The following SOX5 variants were observed in gnomAD, a reference collection of about 807,000 sequenced individuals.
SOX5 encodes the protein SRY-box transcription factor 5.
In SOX5, 9 loss-of-function variants were observed where a neutral mutation model predicts 92.0. The ratio of observed to expected loss-of-function variants is 0.10; its 90% CI spans 0.06 to 0.17. The LOEUF is 0.17. Among genes scored for constraint, SOX5 ranks in the 10% least tolerant of loss-of-function variants. SOX5 has a pLI of 1.00. For missense variants in SOX5, 642 were observed against 944.5 expected (o/e 0.68, Z 4.20); for synonymous variants, 344 against 336.3 (o/e 1.02, Z -0.25).
At chr12:24,046,360 A>G (rs893905592) in intron 4 of SOX5, among the ~76,000 whole-genome samples, 1 of 152,108 alleles carries the variant, frequency 6.6e-6, no homozygotes, top group African/African-American at 2.4e-5. Context: ...CCCTTTCCAG[A>G]TGTTATAAAT....
At chr12:23,950,656 G>A (rs560690488), upstream of SOX5, among the ~76,000 whole-genome samples, 2 of 152,360 alleles carry the variant, frequency 1.3e-5, no homozygotes, top group South Asian at 2.1e-4. Flanking sequence ...CCCCCTGGCT[G>A]TGGATCTCTT....
chr12:24,211,598 A>G (rs965950127), intron 4 of SOX5, among the ~76,000 whole-genome samples: 3 of 152,190 alleles, frequency 2.0e-5, no homozygotes, highest in African/African-American at 7.2e-5. Flanking sequence ...GGCAAATATG[A>G]TGGTATTTTT....
At chr12:23,892,843 G>A (rs2097141898) in intron 2 of SOX5, among the ~76,000 whole-genome samples, 1 of 152,272 alleles carries the variant, frequency 6.6e-6, no homozygotes, top group African/African-American at 2.4e-5. Context: ...AAACCATAGT[G>A]CTACTCTGAT....
intron 9 of SOX5, among the ~76,000 whole-genome samples, chr12:23,576,156 T>C (rs1452437123): frequency 6.6e-6 from 1 of 152,058 alleles, no homozygotes; most frequent in Non-Finnish European, 1.5e-5. Context: ...TTGAGAGATA[T>C]TACACATTAA....
intron 1 of SOX5, among the ~76,000 whole-genome samples, chr12:23,897,353 T>G (rs1429641461): frequency 1.3e-5 from 2 of 152,114 alleles, no homozygotes; most frequent in African/African-American, 4.8e-5. Flanking sequence ...TTAAAAATAT[T>G]AGGACAGTAG....
At chr12:23,732,141 A>G (rs946415713) in intron 6 of SOX5, among the ~76,000 whole-genome samples, 4 of 152,128 alleles carry the variant, frequency 2.6e-5, no homozygotes, top group Non-Finnish European at 5.9e-5. Flanking sequence ...CAGATTGTAT[A>G]TTTACTAGTC....
intron 4 of SOX5, among the ~76,000 whole-genome samples, chr12:24,180,532 C>A (rs1323491385): frequency 1.3e-5 from 2 of 152,080 alleles, no homozygotes; most frequent in Non-Finnish European, 2.9e-5. Context: ...TTCGTTTAGC[C>A]CAGTCTGGAA....
At chr12:23,985,309 T>C (rs559688682) in intron 4 of SOX5, among the ~76,000 whole-genome samples, 1 of 152,082 alleles carries the variant, frequency 6.6e-6, no homozygotes, top group South Asian at 2.1e-4. Flanking sequence ...AGCCCAGTGG[T>C]GCAATCAAGG....
At chr12:24,530,830 C>T (rs905125592) in intron 1 of SOX5, among the ~76,000 whole-genome samples, 61 of 152,002 alleles carry the variant, frequency 4.0e-4, no homozygotes, top group African/African-American at 1.4e-3. Context: ...TTGTGTCAAC[C>T]CTTCTAATAT....
intron 9 of SOX5, among the ~76,000 whole-genome samples, chr12:23,588,898 C>A (rs1227856934): frequency 6.6e-6 from 1 of 151,804 alleles, no homozygotes; most frequent in Non-Finnish European, 1.5e-5. Context: ...ACACAAATAC[C>A]ATTTTGTTAC....
intron 3 of SOX5, among the ~76,000 whole-genome samples, chr12:24,246,260 T>A (rs1423335236): frequency 5.3e-5 from 8 of 151,864 alleles, no homozygotes; most frequent in Admixed American, 5.2e-4. Flanking sequence ...TTCCTGTTGA[T>A]GTTCTCAAAT....
chr12:24,371,186 A>G (rs572821575), intron 1 of SOX5, among the ~76,000 whole-genome samples: 109 of 152,368 alleles, frequency 7.2e-4, no homozygotes, highest in Non-Finnish European at 1.3e-3. Flanking sequence ...TGATGTCTTC[A>G]GAATAGAAAG....
At chr12:24,281,257 A>C (rs1382444790) in intron 2 of SOX5, among the ~76,000 whole-genome samples, 1 of 150,084 alleles carries the variant, frequency 6.7e-6, no homozygotes, top group Non-Finnish European at 1.5e-5. Flanking sequence ...AAAAAAAAAA[A>C]CTGTTGTTCT....
intron 4 of SOX5, among the ~76,000 whole-genome samples, chr12:24,088,712 A>G (rs1016397114): frequency 1.3e-5 from 2 of 151,984 alleles, no homozygotes; most frequent in Non-Finnish European, 2.9e-5. Context: ...TTATACTGAG[A>G]AGACATCATC....
At position 24,053,362 on chromosome 12, in the gene SOX5, T is replaced by G. The variant is rs569506706; in HGVS notation, c.-1-157338A>C. ...CCAGCCTGGTCTCGAACTCCCGACCTCAGGTGATCTGCCCGCCTCGGGCTC... is the reference window on the plus strand; with the variant it reads ...CCAGCCTGGTCTCGAACTCCCGACCGCAGGTGATCTGCCCGCCTCGGGCTC... On this transcript the variant is annotated intron_variant, in intron 4 of 4. Transcript: ENST00000446891. Among the ~76,000 whole-genome samples, 4 of 152,240 alleles carry G rather than the reference T, an allele frequency of 2.6e-5. No individual in the cohort carries two copies. In the East Asian group the frequency reaches 7.7e-4, roughly 29 times the overall value.
At chr12:24,533,244 C>A (rs1348126424) in intron 1 of SOX5, among the ~76,000 whole-genome samples, 1 of 152,068 alleles carries the variant, frequency 6.6e-6, no homozygotes, top group African/African-American at 2.4e-5. Context: ...TTGTTCCAGA[C>A]AAAAAGATGC....
intron 3 of SOX5, among the ~76,000 whole-genome samples, chr12:23,816,927 C>T (rs749051102): frequency 6.6e-6 from 1 of 152,198 alleles, no homozygotes; most frequent in Non-Finnish European, 1.5e-5. Flanking sequence ...ACTCTCATAT[C>T]ACTGAGGTTG....
intron 1 of SOX5, among the ~76,000 whole-genome samples, chr12:23,927,984 C>G (rs1381545495): frequency 6.6e-6 from 1 of 152,058 alleles, no homozygotes; most frequent in East Asian, 1.9e-4. Flanking sequence ...GAAATGCACT[C>G]TCCAGTAGTA....
chr12:24,394,957 A>G lies in SOX5; in HGVS notation c.-250-26318T>C, dbSNP rs563287619. 3.3e-5 allele frequency among the ~76,000 whole-genome samples: 5 copies of G among 152,222 alleles called. No individual in the cohort carries two copies. In the East Asian group the frequency reaches 9.7e-4, roughly 29 times the overall value. On this transcript the variant is annotated intron_variant, in intron 1 of 4. Transcript: ENST00000446891. ...TGGTAGGCTTCAAGAGGCCAGAGAC[A>G]ATTTTCTTTCCCCTAACACAAAGCT... is the stretch of plus-strand genomic sequence containing the variant.
Sources: gnomAD v4.1 joint callset for allele counts (sites outside exome capture counted in the v4.1 genomes callset) on GRCh38, gnomAD v4.1.1 for gene constraint, MANE v1.5 for transcripts, NCBI Gene and HGNC (gene_info 2026-07-23, HGNC 2026-07-21) for gene names.